CTSW: variants seen among roughly 807,000 people sequenced by gnomAD.
CTSW encodes cathepsin W, also known as lymphopain.
Under a neutral mutation model 43.8 loss-of-function variants are expected in CTSW, and 42 were observed. The observed-to-expected ratio is 0.96, with a 90% CI of 0.75 to 1.24. The LOEUF is 1.24. Ranked by LOEUF, CTSW falls within the 50% of genes most tolerant of loss-of-function variation. The pLI, the probability that CTSW is intolerant of heterozygous loss-of-function variation, is 0.00. For missense variants in CTSW, 475 were observed against 479.9 expected, an observed-to-expected ratio of 0.99 and a Z score of 0.09; for synonymous variants, 191 against 184.8, an observed-to-expected ratio of 1.03 and a Z score of -0.27.
rs772711625 is a variant in CTSW, at chr11:65,879,886, TG to T, written c.34del (p.Ala12ProfsTer7). ...CTGACTGCCCACCCCTCCTGCCTCC[TG>T]GCCCTGTTGGTGGCAGGCCTAGCCC... MALTAHPSCL[L>X]ALLVAGLAQG... On this transcript the variant is annotated frameshift_variant, in exon 1 of 10. Transcript: ENST00000307886. LOFTEE classifies it high-confidence loss of function. The T allele has an allele frequency of 6.2e-7, 1 of 1,601,786 alleles. No individual in the cohort carries two copies. The highest frequency in any genetic ancestry group is 8.5e-7 in the Non-Finnish European group (1 of 1,169,896).
rs769855135 is a variant in CTSW at position 65,883,555 on chromosome 11, G to A, written c.1068G>A (p.Lys356=). ...GGAGCAATACCTGTGGCATCACCAA[G>A]TTCCCGCTCACTGCCCGTGTGCAGA... ...HRGSNTCGIT[K]FPLTARVQKP... The change falls in exon 10 of 10, where the codon AAG becomes AAA. Residue 356 remains lysine, a synonymous_variant. Coordinates refer to ENST00000307886, the MANE Select transcript of CTSW (RefSeq NM_001335.4). 1.1e-5 allele frequency: 17 copies of A among 1,613,962 alleles called. No homozygotes were observed. The East Asian group carries it at 1.8e-4, about 17-fold the overall frequency.
intron 2 of CTSW, among the ~76,000 whole-genome samples, chr11:65,880,986 G>T (rs908656084): frequency 2.6e-5 from 4 of 152,164 alleles, no homozygotes; most frequent in Non-Finnish European, 5.9e-5. Flanking sequence ...TCGCTGTGCT[G>T]ATCTCTCTAG....
intron 6 of CTSW, 25 bp from the exon 7 acceptor site, chr11:65,882,754 C>T (rs746089901): frequency 6.2e-7 from 1 of 1,614,058 alleles, no homozygotes; most frequent in Non-Finnish European, 8.5e-7. Context: ...AGCGGAACCT[C>T]CTCCCTTGTC....
chr11:65,880,108 C>T, intron 1 of CTSW, 94 bp from the exon 2 acceptor site: 3 of 1,299,768 alleles, frequency 2.3e-6, no homozygotes, highest in South Asian at 1.2e-5. Context: ...CTGGCTGACC[C>T]CTAGCCCAGT....
intron 2 of CTSW, among the ~76,000 whole-genome samples, chr11:65,881,069 G>A (rs1860100342): frequency 6.6e-6 from 1 of 152,158 alleles, no homozygotes; most frequent in Non-Finnish European, 1.5e-5. Flanking sequence ...CCATGTTCCA[G>A]CTCTCCTCCT....
At position 65,879,916 on chromosome 11, in the gene CTSW, G is replaced by T. The variant is rs776692077; in HGVS notation, c.62G>T (p.Gly21Val). 6.2e-7 allele frequency: 1 copy of T among 1,613,444 alleles called. No homozygotes were observed. The highest frequency in any genetic ancestry group is 1.3e-5 in the African/African-American group (1 of 74,922). Residue 21 changes from glycine (G) to valine (V), a missense_variant, in exon 1 of 10, where the codon GGC becomes GTC. Coordinates refer to ENST00000307886, the MANE Select transcript of CTSW (RefSeq NM_001335.4). ...LALLVAGLAQ[G>V]IRGPLRAQDL... ...CTGTTGGTGGCAGGCCTAGCCCAAG[G>T]CATCAGAGGCCCCCTTAGGGCCCAG...
At position 65,882,869 on chromosome 11, in the gene CTSW, T is replaced by C; in HGVS notation, c.710T>C (p.Ile237Thr). The C allele has an allele frequency of 6.2e-7, 1 of 1,613,984 alleles. No individual in the cohort carries two copies. The highest frequency in any genetic ancestry group is 1.3e-5 in the African/African-American group (1 of 74,972). Residue 237 changes from isoleucine (I) to threonine (T), a missense_variant, in exon 7 of 10, where the codon ATC becomes ACC. By Grantham distance (89) the Ile-to-Thr change is moderately conservative. Coordinates refer to ENST00000307886, the MANE Select transcript of CTSW (RefSeq NM_001335.4). ...HPKKYQKVAWIQDFIMLQNNE... is the reference protein window; with the variant it reads ...HPKKYQKVAWTQDFIMLQNNE... The stretch of plus-strand genomic sequence containing the variant: ...AAGAAGTACCAGAAGGTGGCCTGGA[T>C]CCAGGACTTCATCATGCTGCAGAAC...
intron 2 of CTSW, 38 bp from the exon 3 acceptor site, chr11:65,881,369 C>T (rs751889583): frequency 1.4e-6 from 2 of 1,457,862 alleles, no homozygotes; most frequent in Non-Finnish European, 1.9e-6. Flanking sequence ...CCCCTAAGGG[C>T]TTGGGAGTCA....
At chr11:65,882,935 G>A (rs1565278792) in intron 7 of CTSW, 31 bp downstream of exon 7, 1 of 1,613,144 alleles carries the variant, frequency 6.2e-7, no homozygotes, top group Non-Finnish European at 8.5e-7. Context: ...CGGGCGGATG[G>A]CAGGGACAGA....
chr11:65,880,787 G>A (rs1860097156), intron 2 of CTSW, among the ~76,000 whole-genome samples: 2 of 152,180 alleles, frequency 1.3e-5, no homozygotes, highest in Non-Finnish European at 2.9e-5. Context: ...GCAGTGGCAG[G>A]AGGTGGGGTC....
rs761085585 is a variant in CTSW at position 65,883,123 on chromosome 11, A to C, written c.800A>C (p.Lys267Thr). 1.4e-5 allele frequency: 23 copies of C among 1,614,102 alleles called. No individual in the cohort carries two copies. In the East Asian group the frequency reaches 4.9e-4, roughly 34 times the overall value. ...CCCATCACCGTGACCATCAACATGA[A>C]GCCCCTTCAGGTGAGATGGGGGAGC... ...YGPITVTINM[K>T]PLQLYRKGVI... The change falls in exon 8 of 10, where the codon AAG becomes ACG. Residue 267 changes from lysine to threonine, a missense_variant. Lys to Thr is a moderately conservative substitution (Grantham distance 78). Coordinates refer to ENST00000307886, the MANE Select transcript of CTSW (RefSeq NM_001335.4).
rs1860123412 is a variant in CTSW at position 65,882,536 on chromosome 11, GGAGAGGGTGCGCGTGT to G, written c.538+13_538+28del. The stretch of plus-strand genomic sequence containing the variant: ...GATGTCTCCGTGCAGGGTAGGGTTG[GGAGAGGGTGCGCGTGT>G]GACAGGGGAGGGAGGCCTAGGGGCC... On this transcript the variant is annotated intron_variant, in intron 5 of 9. Transcript: ENST00000307886. 1 of 1,614,148 alleles carries G rather than the reference GGAGAGGGTGCGCGTGT, an allele frequency of 6.2e-7. No individual in the cohort carries two copies. The highest frequency in any genetic ancestry group is 2.2e-5 in the East Asian group (1 of 44,880).
At position 65,883,512 on chromosome 11, in the gene CTSW, A is replaced by AT; in HGVS notation, c.1028dup (p.Arg344ProfsTer68). On this transcript the variant is annotated frameshift_variant, in exon 10 of 10. Transcript: ENST00000307886. LOFTEE classifies it low-confidence loss of function (END_TRUNC). Reference sequence around the variant, plus strand: ...CTATGTCCCCTAACCTCCTAGGGCTATTTCCGGCTGCACCGAGGGAGCAAT... The same window carrying AT: ...CTATGTCCCCTAACCTCCTAGGGCTATTTTCCGGCTGCACCGAGGGAGCAAT... The AT allele has an allele frequency of 6.2e-7, 1 of 1,613,610 alleles. No individual in the cohort carries two copies.
In CTSW at chr11:65,879,941, G is replaced by C. The variant is rs767308028; in HGVS notation, c.87G>C (p.Gln29His). Reference sequence around the variant, plus strand: ...GCATCAGAGGCCCCCTTAGGGCCCAGGTAAGTGCTCCCAAACCCTTACCTA... The same window carrying C: ...GCATCAGAGGCCCCCTTAGGGCCCACGTAAGTGCTCCCAAACCCTTACCTA... ...AQGIRGPLRAQDLGPQPLELK... is the reference protein window; with the variant it reads ...AQGIRGPLRAHDLGPQPLELK... The change falls in exon 1 of 10, where the codon CAG becomes CAC. Residue 29 changes from glutamine (Q) to histidine (H), a missense_variant and splice_region_variant. Transcript: ENST00000307886. The C allele has an allele frequency of 6.2e-7, 1 of 1,611,912 alleles. No homozygotes were observed.
chr11:65,882,668 T>A lies in CTSW; in HGVS notation c.598T>A (p.Phe200Ile). 6.2e-7 allele frequency: 1 copy of A among 1,613,998 alleles called. No individual in the cohort carries two copies. Among genetic ancestry groups the A allele is most frequent in the African/African-American group, 1.3e-5 (1 of 75,002 alleles). ...CCACGGTGGCTTCGTCTGGGACGCGTTCATAACTGTCCTCAACAACAGTGA... is the reference window on the plus strand; with the variant it reads ...CCACGGTGGCTTCGTCTGGGACGCGATCATAACTGTCCTCAACAACAGTGA... ...GCHGGFVWDA[F>I]ITVLNNSGLA... Residue 200 changes from phenylalanine (F) to isoleucine (I), a missense_variant, in exon 6 of 10, where the codon TTC becomes ATC. Transcript: ENST00000307886.
chr11:65,881,562 C>T (rs1237981456), intron 3 of CTSW, 42 bp downstream of exon 3: 11 of 1,396,610 alleles, frequency 7.9e-6, no homozygotes, highest in East Asian at 2.5e-5. Flanking sequence ...GGTTGGGAAG[C>T]GATCTCCCCA....
Position 65,882,849 on chromosome 11 carries a change from G to A in CTSW, c.690G>A (p.Lys230=), listed in dbSNP as rs1860130275. The A allele has an allele frequency of 6.2e-7, 1 of 1,614,046 alleles. No homozygotes were observed. The highest frequency in any genetic ancestry group is 1.7e-5 in the Admixed American group (1 of 59,996). ...GAGCCCACAGGTGCCACCCCAAGAA[G>A]TACCAGAAGGTGGCCTGGATCCAGG... ...KVRAHRCHPK[K]YQKVAWIQDF... is the part of the protein sequence containing the mutation. The change falls in exon 7 of 10, where the codon AAG becomes AAA. Residue 230 remains lysine, a synonymous_variant. Coordinates refer to ENST00000307886, the MANE Select transcript of CTSW (RefSeq NM_001335.4).
intron 7 of CTSW, 38 bp downstream of exon 7, chr11:65,882,942 C>T: frequency 3.7e-6 from 6 of 1,612,844 alleles, no homozygotes; most frequent in Non-Finnish European, 5.1e-6. Context: ...ATGGCAGGGA[C>T]AGACACCGGG....
In CTSW at chr11:65,882,647, G is replaced by A. The variant is rs377646629; in HGVS notation, c.577G>A (p.Gly193Ser). Residue 193 changes from glycine (G) to serine (S), a missense_variant, in exon 6 of 10, where the codon GGT (glycine) becomes AGT (serine). Transcript: ENST00000307886. ...DCGRCGDGCH[G>S]GFVWDAFITV... Reference sequence around the variant, plus strand: ...TGGCCGCTGTGGGGATGGCTGCCACGGTGGCTTCGTCTGGGACGCGTTCAT... The same window carrying A: ...TGGCCGCTGTGGGGATGGCTGCCACAGTGGCTTCGTCTGGGACGCGTTCAT... The A allele has an allele frequency of 2.4e-5, 39 of 1,614,154 alleles. No homozygotes were observed. The highest frequency in any genetic ancestry group is 8.9e-5 in the East Asian group (4 of 44,880).
Sources: allele counts gnomAD v4.1 joint callset (sites outside exome capture counted in the v4.1 genomes callset), GRCh38; gene constraint gnomAD v4.1.1; transcripts MANE v1.5; gene names NCBI Gene and HGNC (gene_info 2026-07-23, HGNC 2026-07-21).